Variants in MARS1 observed in about 807,000 individuals in gnomAD.
MARS1 encodes the protein methionyl-tRNA synthetase 1, also known as methionine--tRNA ligase, cytoplasmic.
Under a neutral mutation model 119.5 loss-of-function variants are expected in MARS1, and 80 were observed. That is an observed-to-expected ratio of 0.67 (90% CI 0.56 to 0.81). The LOEUF (loss-of-function observed/expected upper bound fraction) is 0.81. Ranked by LOEUF, MARS1 falls within the 30% of genes least tolerant of loss-of-function variation. The probability of loss-of-function intolerance (pLI) is 0.00; values close to 1 mark genes in which losing one functional copy is unlikely to be tolerated. For missense variants in MARS1, 945 were observed against 1,116.5 expected, an observed-to-expected ratio of 0.85 and a Z score of 2.19; for synonymous variants, 418 against 433.4, an observed-to-expected ratio of 0.96 and a Z score of 0.44.
intron 18 of MARS1, among the ~76,000 whole-genome samples, 199 bp from the exon 19 acceptor site, chr12:57,515,721 G>A (rs1256513388): frequency 1.3e-5 from 2 of 152,202 alleles, no homozygotes; most frequent in Non-Finnish European, 2.9e-5. Context: ...AGAGCTTAAA[G>A]AATCTTTGAC....
At chr12:57,515,803 T>C (rs1877777218) in intron 18 of MARS1, 117 bp from the exon 19 acceptor site, 2 of 761,494 alleles carry the variant, frequency 2.6e-6, no homozygotes, top group South Asian at 3.4e-5. Flanking sequence ...ATTAGCTCAG[T>C]GTTAAGCTCG....
chr12:57,514,751 G>T lies in MARS1; in HGVS notation c.1999G>T (p.Gly667Cys), dbSNP rs1877696661. The T allele has an allele frequency of 6.2e-7, 1 of 1,614,040 alleles. No individual in the cohort carries two copies. The highest frequency in any genetic ancestry group is 8.5e-7 in the Non-Finnish European group (1 of 1,180,036). ...AGMFVSKFFG[G>C]YVPEMVLTPD... ...GATGTTTGTGTCTAAGTTCTTTGGG[G>T]GCTATGTGCCTGAGATGGTGCTCAC... Residue 667 changes from glycine to cysteine, a missense_variant, in exon 16 of 21, where the codon GGC becomes TGC. Transcript: ENST00000262027.
At chr12:57,493,731 A>T (rs1308624074) in intron 7 of MARS1, among the ~76,000 whole-genome samples, 1 of 7,902 alleles carries the variant, frequency 1.3e-4, no homozygotes, top group African/African-American at 6.7e-4. Context: ...ATATTATATT[A>T]TATAATATAT....
At position 57,500,388 on chromosome 12, in the gene MARS1, C is replaced by G. The variant is rs777254612; in HGVS notation, c.1159C>G (p.Leu387Val). The G allele has an allele frequency of 6.2e-7, 1 of 1,614,098 alleles. No individual in the cohort carries two copies. The highest frequency in any genetic ancestry group is 8.5e-7 in the Non-Finnish European group (1 of 1,180,050). The change falls in exon 10 of 21, where the codon CTG becomes GTG. Residue 387 changes from leucine to valine, a missense_variant. Transcript: ENST00000262027. ...TGTGCTGCAAGATACTGTGGAGCAA[C>G]TGCGATGTGAGCACTGTGCTCGCTT... ...GFVLQDTVEQ[L>V]RCEHCARFLA...
intron 9 of MARS1, chr12:57,500,108 G>C: frequency 1.7e-6 from 1 of 582,008 alleles, no homozygotes; most frequent in Non-Finnish European, 3.1e-6. Context: ...AAGTGTTGAG[G>C]GGAAAGATTA....
At chr12:57,507,921 G>A (rs1164188420) in intron 11 of MARS1, among the ~76,000 whole-genome samples, 2 of 150,712 alleles carry the variant, frequency 1.3e-5, no homozygotes, top group Admixed American at 6.6e-5. Flanking sequence ...GCTGCCGGGC[G>A]GAGGGGCTCC....
intron 17 of MARS1, 43 bp downstream of exon 17, chr12:57,515,101 G>C (rs747553757): frequency 6.2e-7 from 1 of 1,603,522 alleles, no homozygotes; most frequent in Non-Finnish European, 8.5e-7. Flanking sequence ...AAAGTGGCTT[G>C]TAAGCTGTAT....
Position 57,490,354 on chromosome 12 carries a change from G to T in MARS1, c.638G>T (p.Gly213Val). Residue 213 changes from glycine to valine, a missense_variant, in exon 6 of 21, where the codon GGA (glycine) becomes GTA (valine). By Grantham distance (109) the Gly-to-Val change is moderately radical. Transcript: ENST00000262027. ...QKQPQPSPAE[G>V]RAVTNEPEEE... ...CAGCCCCAGCCCAGCCCCGCTGAGG[G>T]AAGGGCTGTCACCAATGAGCCTGAG... The T allele has an allele frequency of 6.2e-7, 1 of 1,612,662 alleles. No individual in the cohort carries two copies. The highest frequency in any genetic ancestry group is 8.5e-7 in the Non-Finnish European group (1 of 1,180,020).
rs544684124 is a variant in MARS1, at chr12:57,490,525, C to T, written c.664-13C>T. 1.9e-6 allele frequency: 3 copies of T among 1,613,534 alleles called. No individual in the cohort carries two copies. Among genetic ancestry groups the T allele is most frequent in the Admixed American group, 1.7e-5 (1 of 60,006 alleles). On this transcript the variant is annotated splice_polypyrimidine_tract_variant and intron_variant, in intron 6 of 20. Coordinates refer to ENST00000262027, the MANE Select transcript of MARS1 (RefSeq NM_004990.4). ...CTCCTCACCTGGTAAGGGATTCTCT[C>T]CACTCTTTATAGGAGGAGGAGCTGG...
intron 7 of MARS1, among the ~76,000 whole-genome samples, chr12:57,494,175 C>G (rs2140010947): frequency 6.7e-6 from 1 of 150,194 alleles, no homozygotes; most frequent in East Asian, 2.0e-4. Flanking sequence ...AGGCTGGTCT[C>G]AAACTCCTGA....
At chr12:57,500,077 G>A (rs937090992) in intron 9 of MARS1, 7 of 498,952 alleles carry the variant, frequency 1.4e-5, no homozygotes, top group African/African-American at 3.9e-5. Flanking sequence ...ATAAATCTGT[G>A]TTCAACAAAA....
chr12:57,516,060 T>A, intron 19 of MARS1, 69 bp downstream of exon 19: 1 of 1,505,150 alleles, frequency 6.6e-7, no homozygotes, highest in Non-Finnish European at 9.3e-7. Flanking sequence ...TTTCCCTAAG[T>A]AGTCCTCACC....
intron 8 of MARS1, 32 bp from the exon 9 acceptor site, chr12:57,498,388 G>T (rs1876745887): frequency 8.1e-6 from 13 of 1,608,486 alleles, no homozygotes; most frequent in Non-Finnish European, 1.1e-5. Flanking sequence ...GCTGAAGCGG[G>T]GCCCCCTAGC....
chr12:57,488,468 T>G, intron 1 of MARS1: 1 of 1,208,620 alleles, frequency 8.3e-7, no homozygotes, highest in East Asian at 2.6e-5. Flanking sequence ...AAACTGCTCT[T>G]CCCTTCCCAA....
chr12:57,496,911 C>T (rs1331002441), intron 7 of MARS1, among the ~76,000 whole-genome samples: 1 of 152,134 alleles, frequency 6.6e-6, no homozygotes, highest in Non-Finnish European at 1.5e-5. Context: ...GGCTAGAGTG[C>T]TTGCCTTCCT....
chr12:57,490,566 A>G lies in MARS1; in HGVS notation c.692A>G (p.Glu231Gly), dbSNP rs755863042. 1.9e-6 allele frequency: 3 copies of G among 1,614,090 alleles called. No individual in the cohort carries two copies. Among genetic ancestry groups the G allele is most frequent in the Middle Eastern group, 1.7e-4 (1 of 6,060 alleles). Residue 231 changes from glutamate (E) to glycine (G), a missense_variant, in exon 7 of 21, where the codon GAG (glutamate) becomes GGG (glycine). Glu to Gly is a moderately conservative substitution (Grantham distance 98). Coordinates refer to ENST00000262027, the MANE Select transcript of MARS1 (RefSeq NM_004990.4). ...EEEELATLSE[E>G]EIAMAVTAWE... is the part of the protein sequence containing the mutation. ...GAGGAGCTGGCTACCCTATCTGAGG[A>G]GGAGATTGCTATGGCTGTTACTGCT...
intron 7 of MARS1, among the ~76,000 whole-genome samples, chr12:57,493,003 T>C (rs1308790295): frequency 6.6e-6 from 1 of 151,920 alleles, no homozygotes; most frequent in Non-Finnish European, 1.5e-5. Flanking sequence ...TGCCAGCATC[T>C]TACCTGCCTG....
intron 11 of MARS1, 196 bp from the exon 12 acceptor site, chr12:57,511,502 A>C (rs569578559): frequency 1.1e-4 from 66 of 591,148 alleles, no homozygotes; most frequent in African/African-American, 1.1e-3. Flanking sequence ...GCTTGAGCCC[A>C]GGAGGTTTAG....
At position 57,516,418 on chromosome 12, in the gene MARS1, AC is replaced by A. The variant is rs780366144; in HGVS notation, c.2557-11del. 3 of 1,611,338 alleles carry A rather than the reference AC, an allele frequency of 1.9e-6. No individual in the cohort carries two copies. Among genetic ancestry groups the A allele is most frequent in the South Asian group, 1.1e-5 (1 of 90,920 alleles). On this transcript the variant is annotated splice_polypyrimidine_tract_variant and intron_variant, in intron 20 of 20. Transcript: ENST00000262027. Reference sequence around the variant, plus strand: ...TTTCTTGCCTCACTGTTACCTCCCCACCCCCCTTTATCTTAGGGAAACATTG... The same window carrying A: ...TTTCTTGCCTCACTGTTACCTCCCCACCCCCTTTATCTTAGGGAAACATTG...
Sources: gnomAD v4.1 joint callset for allele counts (sites outside exome capture counted in the v4.1 genomes callset) on GRCh38, gnomAD v4.1.1 for gene constraint, MANE v1.5 for transcripts, NCBI Gene and HGNC (gene_info 2026-07-23, HGNC 2026-07-21) for gene names.